CHST11: variants seen among roughly 807,000 people sequenced by gnomAD.
The protein encoded by CHST11 is C4S-1.
Under a neutral mutation model 30.4 loss-of-function variants are expected in CHST11, and 9 were observed. The observed-to-expected ratio is 0.30, with a 90% CI of 0.18 to 0.52. The LOEUF (loss-of-function observed/expected upper bound fraction) is 0.52, where lower values mean the gene tolerates loss of function less well. CHST11 is among the 20% of genes least tolerant of loss of function. The pLI is 0.97. For synonymous variants in CHST11, 152 were observed against 187.8 expected, an observed-to-expected ratio of 0.81 and a Z score of 1.56; for missense variants, 348 against 460.6, an observed-to-expected ratio of 0.76 and a Z score of 2.24.
intron 2 of CHST11, among the ~76,000 whole-genome samples, chr12:104,735,305 A>G (rs1300057392): frequency 6.6e-6 from 1 of 152,220 alleles, no homozygotes; most frequent in Non-Finnish European, 1.5e-5. Flanking sequence ...GAAGGACTAA[A>G]TGTGATTACA....
chr12:104,564,268 A>G (rs189533371), intron 1 of CHST11, among the ~76,000 whole-genome samples: 56 of 152,340 alleles, frequency 3.7e-4, no homozygotes, highest in Admixed American at 3.2e-3. Context: ...GACACACTCC[A>G]GAGTCCAAAC....
chr12:104,671,811 A>G (rs1365142139), intron 2 of CHST11, among the ~76,000 whole-genome samples: 1 of 151,752 alleles, frequency 6.6e-6, no homozygotes. Flanking sequence ...ATAATGTGAG[A>G]AGAGGCTTTC....
chr12:104,498,517 T>C (rs2037822477), intron 1 of CHST11, among the ~76,000 whole-genome samples: 1 of 152,144 alleles, frequency 6.6e-6, no homozygotes, highest in Non-Finnish European at 1.5e-5. Flanking sequence ...AACAAAGGGA[T>C]GTGTACAGGA....
chr12:104,710,731 T>C (rs2040080452), intron 2 of CHST11, among the ~76,000 whole-genome samples: 1 of 152,176 alleles, frequency 6.6e-6, no homozygotes, highest in Non-Finnish European at 1.5e-5. Context: ...TATATTAGGC[T>C]CTTCAGTGAT....
chr12:104,457,261 G>C lies in CHST11; in HGVS notation c.-151G>C. The C allele has an allele frequency of 3.4e-6, 2 of 589,908 alleles. No individual in the cohort carries two copies. The highest frequency in any genetic ancestry group is 6.0e-6 in the Non-Finnish European group (2 of 331,368). The allele number at this position is 589,908 out of a possible 1,614,324, so 36.5% of individuals were successfully genotyped here. A position where few individuals can be genotyped will look rare whatever the true frequency, so the allele number is the denominator to read the frequency against. On this transcript the variant is annotated 5_prime_UTR_variant, in exon 1 of 3. Transcript: ENST00000303694. ...CCCCTGCCCGGGCTGGGGGCTCCGAGAGCGGCCGCGAAGCGACTCCGATCC... is the reference window on the plus strand; with the variant it reads ...CCCCTGCCCGGGCTGGGGGCTCCGACAGCGGCCGCGAAGCGACTCCGATCC...
intron 1 of CHST11, among the ~76,000 whole-genome samples, chr12:104,525,634 G>A (rs1448716516): frequency 2.0e-5 from 3 of 152,150 alleles, no homozygotes; most frequent in Admixed American, 1.3e-4. Flanking sequence ...AGAATGAAGC[G>A]AGAGTAAAGA....
intron 1 of CHST11, among the ~76,000 whole-genome samples, chr12:104,462,017 A>T (rs2037412273): frequency 6.6e-6 from 1 of 151,924 alleles, no homozygotes; most frequent in Non-Finnish European, 1.5e-5. Context: ...TACAAAAAAA[A>T]TTAGCCGGGC....
chr12:104,736,206 G>A (rs1490781030), intron 2 of CHST11, among the ~76,000 whole-genome samples: 1 of 152,104 alleles, frequency 6.6e-6, no homozygotes, highest in Non-Finnish European at 1.5e-5. Flanking sequence ...AGTTCCCCCT[G>A]CAAGATACCA....
Position 104,496,730 on chromosome 12 carries a change from CT to C in CHST11, c.118+39214del, listed in dbSNP as rs149898457. On this transcript the variant is annotated intron_variant, in intron 1 of 2. Transcript: ENST00000303694. ...TCAAGTCATAGACTAATCCTCAAAA[CT>C]TTTTTTTTTTTTAAACAAGACAAAG... 2.0e-3 allele frequency among the ~76,000 whole-genome samples: 295 copies of C among 145,142 alleles called. 1 individual carries two copies. Among genetic ancestry groups the C allele is most frequent in the South Asian group, 3.1e-3 (14 of 4,576 alleles).
intron 1 of CHST11, among the ~76,000 whole-genome samples, chr12:104,544,144 AAGAAAG>A (rs2038316177): frequency 3.2e-5 from 1 of 31,568 alleles, no homozygotes; most frequent in Non-Finnish European, 7.4e-5. Context: ...AAAAAAAAGA[AAGAAAG>A]AAAGAAAGAA....
chr12:104,752,074 C>T (rs1451948375), intron 2 of CHST11, among the ~76,000 whole-genome samples: 2 of 152,156 alleles, frequency 1.3e-5, no homozygotes, highest in African/African-American at 4.8e-5. Flanking sequence ...GAAATGTATT[C>T]TCTCACAGTC....
chr12:104,465,026 G>C (rs529202281), intron 1 of CHST11, among the ~76,000 whole-genome samples: 12 of 152,210 alleles, frequency 7.9e-5, no homozygotes, highest in African/African-American at 2.9e-4. Context: ...GCCCTTTAAC[G>C]AGCAACTGTT....
chr12:104,743,913 T>C (rs1350467812), intron 2 of CHST11, among the ~76,000 whole-genome samples: 1 of 144,406 alleles, frequency 6.9e-6, no homozygotes, highest in Admixed American at 7.0e-5. Context: ...TCCAGCTCCA[T>C]CCATGTCCCA....
intron 1 of CHST11, among the ~76,000 whole-genome samples, chr12:104,513,154 A>G (rs1484296592): frequency 0.14 from 1,734 of 12,764 alleles, 2 homozygotes; most frequent in Non-Finnish European, 0.16. Flanking sequence ...GTGGGGAGGG[A>G]GGGAGAGGTG....
At chr12:104,724,582 A>G (rs539023775) in intron 2 of CHST11, among the ~76,000 whole-genome samples, 1 of 152,214 alleles carries the variant, frequency 6.6e-6, no homozygotes, top group East Asian at 1.9e-4. Flanking sequence ...AGCAGCAGCC[A>G]GGGTCCCGGG....
At chr12:104,631,793 C>T (rs1006644666) in intron 2 of CHST11, among the ~76,000 whole-genome samples, 1 of 152,208 alleles carries the variant, frequency 6.6e-6, no homozygotes, top group Non-Finnish European at 1.5e-5. Flanking sequence ...ACAGCAGAGC[C>T]TAAAACCTAA....
At chr12:104,617,890 A>AT (rs1476157206) in intron 2 of CHST11, among the ~76,000 whole-genome samples, 1 of 151,226 alleles carries the variant, frequency 6.6e-6, no homozygotes, top group African/African-American at 2.4e-5. Context: ...TCAAATACAT[A>AT]TTTTTTTCTT....
intron 2 of CHST11, among the ~76,000 whole-genome samples, chr12:104,655,564 A>C (rs2039536515): frequency 6.6e-6 from 1 of 152,230 alleles, no homozygotes; most frequent in Non-Finnish European, 1.5e-5. Context: ...TCATGGCCAG[A>C]GTTCACTAGC....
rs2040521388 is a variant in CHST11 at position 104,761,153 on chromosome 12, C to T, written c.*3350C>T. ...CCCAGCTGGTCTGGGAAGAGGTGGT[C>T]TGCTGACCTGTGGTATCTCAGAGGG... is the stretch of plus-strand genomic sequence containing the variant. On this transcript the variant is annotated 3_prime_UTR_variant, in exon 3 of 3. Transcript: ENST00000303694. The T allele has an allele frequency of 6.6e-6, 1 of 152,266 alleles. No individual in the cohort carries two copies. Among genetic ancestry groups the T allele is most frequent in the African/African-American group, 2.4e-5 (1 of 41,412 alleles). The allele number at this position is 152,266 out of a possible 1,614,324, so 9.4% of individuals were successfully genotyped here.
Sources: allele counts gnomAD v4.1 joint callset (sites outside exome capture counted in the v4.1 genomes callset), GRCh38; gene constraint gnomAD v4.1.1; transcripts MANE v1.5; gene names NCBI Gene and HGNC (gene_info 2026-07-23, HGNC 2026-07-21).